Variants in ADK observed in about 807,000 individuals in gnomAD.
ADK encodes adenosine kinase.
In ADK, 24 loss-of-function variants were observed where a neutral mutation model predicts 44.7. The observed-to-expected ratio is 0.54, with a 90% CI of 0.39 to 0.76. ADK has a LOEUF of 0.76. Ranked by LOEUF, ADK falls within the 30% of genes least tolerant of loss-of-function variation. The pLI is 0.00. For missense variants in ADK, 321 were observed against 425.1 expected (o/e 0.76, Z 2.15); for synonymous variants, 128 against 142.6 (o/e 0.90, Z 0.73).
At chr10:74,532,051 A>T (rs1483286547) in intron 7 of ADK, among the ~76,000 whole-genome samples, 2 of 152,214 alleles carry the variant, frequency 1.3e-5, no homozygotes, top group Non-Finnish European at 2.9e-5. Flanking sequence ...AAACCGAACA[A>T]TATATTAAAA....
intron 4 of ADK, among the ~76,000 whole-genome samples, chr10:74,361,680 A>G (rs967005299): frequency 1.3e-5 from 2 of 152,248 alleles, no homozygotes; most frequent in South Asian, 2.1e-4. Flanking sequence ...CAATATTAAT[A>G]TAACACTCAT....
At chr10:74,394,669 C>A (rs1390098928) in intron 5 of ADK, among the ~76,000 whole-genome samples, 1 of 151,968 alleles carries the variant, frequency 6.6e-6, no homozygotes, top group Admixed American at 6.6e-5. Context: ...TTCACCATAT[C>A]CTGAGGTTGG....
At chr10:74,271,362 A>G (rs758532377) in intron 3 of ADK, among the ~76,000 whole-genome samples, 13 of 152,060 alleles carry the variant, frequency 8.5e-5, no homozygotes, top group Non-Finnish European at 1.8e-4. Flanking sequence ...AAGTATGTCT[A>G]CTTTACATTT....
At position 74,708,883 on chromosome 10, in the gene ADK, A is replaced by ATG. The variant is rs1287613406; in HGVS notation, c.*444_*445dup. The ATG allele has an allele frequency of 4.9e-6, 1 of 202,868 alleles. No homozygotes were observed. 12.6% of individuals were successfully genotyped at this position (202,868 alleles called of 1,614,324 possible). Reference sequence around the variant, plus strand: ...ACAAATATATTTAATTTAGGAGTATATGTGTGTCTATACACACACATACAT... The same window carrying ATG: ...ACAAATATATTTAATTTAGGAGTATATGTGTGTGTCTATACACACACATACAT... On this transcript the variant is annotated 3_prime_UTR_variant, in exon 11 of 11. Transcript: ENST00000539909.
chr10:74,558,372 C>G (rs894324885), intron 7 of ADK, among the ~76,000 whole-genome samples: 1 of 152,180 alleles, frequency 6.6e-6, no homozygotes, highest in Admixed American at 6.5e-5. Context: ...TCATCATTTT[C>G]TATCTGGTGG....
At chr10:74,660,036 T>G (rs186780172) in intron 9 of ADK, among the ~76,000 whole-genome samples, 35 of 152,328 alleles carry the variant, frequency 2.3e-4, no homozygotes, top group Middle Eastern at 3.4e-3. Context: ...AAGGAATGCT[T>G]ATTATGTGCC....
At position 74,480,918 on chromosome 10, in the gene ADK, C is replaced by G. The variant is rs181663660; in HGVS notation, c.556-44338C>G. On this transcript the variant is annotated intron_variant, in intron 6 of 10. Coordinates refer to ENST00000539909, the MANE Select transcript of ADK (RefSeq NM_006721.4). ...CTATTCCATTGCGTTATTTTTTCCTCAAGGATTCTGTGTTTATGTTGGATC... is the reference window on the plus strand; with the variant it reads ...CTATTCCATTGCGTTATTTTTTCCTGAAGGATTCTGTGTTTATGTTGGATC... Among the ~76,000 whole-genome samples the G allele has an allele frequency of 3.4e-3, 525 of 152,220 alleles. 7 individuals are homozygous for G. The highest frequency in any genetic ancestry group is 0.012 in the African/African-American group (489 of 41,530).
intron 7 of ADK, among the ~76,000 whole-genome samples, chr10:74,536,187 A>G (rs1175848581): frequency 6.6e-6 from 1 of 152,168 alleles, no homozygotes; most frequent in Non-Finnish European, 1.5e-5. Context: ...TTTAACATGT[A>G]AAATAATGCC....
At chr10:74,208,162 A>G (rs1277423289) in intron 2 of ADK, among the ~76,000 whole-genome samples, 2 of 152,240 alleles carry the variant, frequency 1.3e-5, no homozygotes, top group Non-Finnish European at 2.9e-5. Context: ...CTGAGTCTGC[A>G]GGGGAAAGGG....
chr10:74,176,270 C>G (rs1591809129), intron 1 of ADK, among the ~76,000 whole-genome samples: 1 of 152,198 alleles, frequency 6.6e-6, no homozygotes, highest in East Asian at 1.9e-4. Flanking sequence ...ATTAGTACGT[C>G]GTGCTGCCGT....
rs180938230 is a variant in ADK, at chr10:74,608,309, G to C, written c.877+7816G>C. On this transcript the variant is annotated intron_variant, in intron 9 of 10. Coordinates refer to ENST00000539909, the MANE Select transcript of ADK (RefSeq NM_006721.4). ...GTTGTGATCCTTTGGAGGAGAAGAG[G>C]CATTCTGGTTTCTGGAATTTTCAGC... Among the ~76,000 whole-genome samples, 4 of 152,064 alleles carry C rather than the reference G, an allele frequency of 2.6e-5. No homozygotes were observed. The East Asian group carries it at 5.8e-4, about 22-fold the overall frequency.
intron 6 of ADK, among the ~76,000 whole-genome samples, chr10:74,440,111 CAT>C (rs1845346400): frequency 6.6e-6 from 1 of 151,992 alleles, no homozygotes; most frequent in African/African-American, 2.4e-5. Flanking sequence ...TAAGCTAAGG[CAT>C]TTAGACTAAT....
chr10:74,348,488 G>A (rs960317474), intron 4 of ADK, among the ~76,000 whole-genome samples: 13 of 151,980 alleles, frequency 8.6e-5, no homozygotes, highest in African/African-American at 2.4e-4. Flanking sequence ...AAAAACCAGC[G>A]CAAAAACGGT....
intron 4 of ADK, among the ~76,000 whole-genome samples, chr10:74,351,312 A>G (rs149862542): frequency 8.9e-4 from 136 of 152,354 alleles, no homozygotes; most frequent in African/African-American, 3.2e-3. Flanking sequence ...AGAACCAATG[A>G]CAAAAACCAT....
At chr10:74,675,949 G>A (rs1409080972) in intron 10 of ADK, among the ~76,000 whole-genome samples, 1 of 151,550 alleles carries the variant, frequency 6.6e-6, no homozygotes, top group African/African-American at 2.4e-5. Context: ...TAGACTGAAA[G>A]TGAGTACACC....
intron 3 of ADK, among the ~76,000 whole-genome samples, chr10:74,257,969 AC>A (rs1417903279): frequency 1.3e-5 from 2 of 152,318 alleles, no homozygotes; most frequent in South Asian, 4.1e-4. Flanking sequence ...GGCTGTAGTT[AC>A]CACCCACAAG....
intron 7 of ADK, among the ~76,000 whole-genome samples, chr10:74,581,021 TACACACAC>T (rs143153735): frequency 5.8e-4 from 85 of 145,346 alleles, no homozygotes; most frequent in East Asian, 3.7e-3. Context: ...CAATAATAAA[TACACACAC>T]ACACACACAC....
chr10:74,608,030 A>G (rs1420425608), intron 9 of ADK, among the ~76,000 whole-genome samples: 1 of 151,042 alleles, frequency 6.6e-6, no homozygotes, highest in Non-Finnish European at 1.5e-5. Flanking sequence ...TTTGGTTATT[A>G]TATTTGTGTA....
chr10:74,595,008 T>G (rs1303599751), intron 8 of ADK, among the ~76,000 whole-genome samples: 1 of 151,804 alleles, frequency 6.6e-6, no homozygotes, highest in Non-Finnish European at 1.5e-5. Flanking sequence ...AAACCCCATC[T>G]CCCCTTAAAA....
Sources: allele counts gnomAD v4.1 joint callset (sites outside exome capture counted in the v4.1 genomes callset), GRCh38; gene constraint gnomAD v4.1.1; transcripts MANE v1.5; gene names NCBI Gene and HGNC (gene_info 2026-07-23, HGNC 2026-07-21).